The following RFX2 variants were observed in gnomAD, a reference collection of about 807,000 sequenced individuals.
The protein encoded by RFX2 is regulatory factor X2, also known as DNA-binding protein RFX2.
Under a neutral mutation model 87.8 loss-of-function variants are expected in RFX2, and 20 were observed. The ratio of observed to expected loss-of-function variants is 0.23; its 90% CI spans 0.16 to 0.33. The LOEUF (loss-of-function observed/expected upper bound fraction) is 0.33. Among genes scored for constraint, RFX2 ranks in the 10% least tolerant of loss-of-function variants. RFX2 has a pLI of 1.00. For synonymous variants in RFX2, 397 were observed against 431.3 expected (o/e 0.92, Z 0.98); for missense variants, 767 against 1,012.3 (o/e 0.76, Z 3.29).
intron 9 of RFX2, among the ~76,000 whole-genome samples, chr19:6,009,046 G>A (rs1409592681): frequency 1.3e-5 from 2 of 152,126 alleles, no homozygotes; most frequent in African/African-American, 4.8e-5. Context: ...TCACCTCCCA[G>A]GAACATTAAA....
At chr19:6,070,877 A>AAAAC (rs887000267) in intron 1 of RFX2, among the ~76,000 whole-genome samples, 4 of 152,074 alleles carry the variant, frequency 2.6e-5, no homozygotes, top group Non-Finnish European at 5.9e-5. Context: ...CTGGCTACTT[A>AAAAC]AAACAAACAA....
chr19:6,099,725 C>G (rs1302489566), intron 1 of RFX2, among the ~76,000 whole-genome samples: 1 of 152,228 alleles, frequency 6.6e-6, no homozygotes, highest in Non-Finnish European at 1.5e-5. Flanking sequence ...GCACAAATCA[C>G]TACCACCTGT....
chr19:6,006,325 A>AT (rs1267668138), intron 12 of RFX2, among the ~76,000 whole-genome samples: 2 of 151,602 alleles, frequency 1.3e-5, no homozygotes, highest in African/African-American at 4.8e-5. Flanking sequence ...ACACCAGCTA[A>AT]TTTTTGTATT....
rs2086892705 is a variant in RFX2 at position 6,026,688 on chromosome 19, G to A, written c.523-451C>T. 5.3e-6 allele frequency: 1 copy of A among 188,454 alleles called. No homozygotes were observed. The highest frequency in any genetic ancestry group is 1.1e-5 in the Non-Finnish European group (1 of 90,224). 11.7% of individuals were successfully genotyped at this position (188,454 alleles called of 1,614,324 possible). A position where few individuals can be genotyped will look rare whatever the true frequency, so the allele number is the denominator to read the frequency against. On this transcript the variant is annotated intron_variant, in intron 5 of 17. Coordinates refer to ENST00000303657, the MANE Select transcript of RFX2 (RefSeq NM_000635.4). This position sits in a 1 kb window ranked among gnomAD's most constrained non-coding sequence, Gnocchi z 4.5. The stretch of plus-strand genomic sequence containing the variant: ...GCAGCCTTGACTCCCCAGCCAGGCT[G>A]TCCTGTCGCAAATCCCAGGGTCTCC...
At chr19:6,018,927 C>T (rs1008209097) in intron 6 of RFX2, among the ~76,000 whole-genome samples, 1 of 152,166 alleles carries the variant, frequency 6.6e-6, no homozygotes, top group Non-Finnish European at 1.5e-5. Context: ...ATTCCGGTTC[C>T]CTGGCCGCCC....
At chr19:6,082,698 G>T (rs2087802634) in intron 1 of RFX2, among the ~76,000 whole-genome samples, 1 of 152,158 alleles carries the variant, frequency 6.6e-6, no homozygotes, top group African/African-American at 2.4e-5. Flanking sequence ...CTCCCAAAGT[G>T]TTGGGATTAC....
chr19:6,034,377 C>T (rs2086993377), intron 5 of RFX2, among the ~76,000 whole-genome samples: 1 of 151,980 alleles, frequency 6.6e-6, no homozygotes, highest in Non-Finnish European at 1.5e-5. Flanking sequence ...TACAGGTGCG[C>T]ACCACCACAC....
chr19:6,052,383 G>T (rs756614809), intron 1 of RFX2, among the ~76,000 whole-genome samples: 1 of 152,088 alleles, frequency 6.6e-6, no homozygotes, highest in African/African-American at 2.4e-5. Flanking sequence ...TTCAAGATAC[G>T]TAAAGTAAAA....
rs1427946081 is a variant in RFX2 at position 6,083,787 on chromosome 19, T to C, written c.-9+26606A>G. On this transcript the variant is annotated intron_variant, in intron 1 of 17. Coordinates refer to ENST00000303657, the MANE Select transcript of RFX2 (RefSeq NM_000635.4). The surrounding 1 kb of genome is among the most constrained non-coding windows in gnomAD (Gnocchi z 4.6). ...GGGTCTCACCATCTTGCCCAGGCTGTGACCCCTATCTTGGATGGCCTTTGG... is the reference window on the plus strand; with the variant it reads ...GGGTCTCACCATCTTGCCCAGGCTGCGACCCCTATCTTGGATGGCCTTTGG... Among the ~76,000 whole-genome samples the C allele has an allele frequency of 6.6e-6, 1 of 152,094 alleles. No individual in the cohort carries two copies.
intron 1 of RFX2, among the ~76,000 whole-genome samples, chr19:6,062,105 A>G (rs1176154107): frequency 6.6e-6 from 1 of 152,160 alleles, no homozygotes; most frequent in African/African-American, 2.4e-5. Flanking sequence ...AGGTTGAAGT[A>G]AGCTGACTGC....
Position 6,047,311 on chromosome 19 carries a change from C to T in RFX2, c.90+96G>A. 1.0e-6 allele frequency: 1 copy of T among 963,780 alleles called. No homozygotes were observed. Among genetic ancestry groups the T allele is most frequent in the Non-Finnish European group, 1.5e-6 (1 of 657,712 alleles). The allele number at this position is 963,780 out of a possible 1,614,324, so 59.7% of individuals were successfully genotyped here. On this transcript the variant is annotated intron_variant, in intron 2 of 17. Transcript: ENST00000303657. This position sits in a 1 kb window ranked among gnomAD's most constrained non-coding sequence, Gnocchi z 4.2. ...ACTGAGAAGTCCATTCAGAAAAATA[C>T]AGATTCCTCTCTTTGCAGATCTGAG...
At chr19:6,079,460 C>T (rs1013790539) in intron 1 of RFX2, among the ~76,000 whole-genome samples, 5 of 152,158 alleles carry the variant, frequency 3.3e-5, no homozygotes, top group Non-Finnish European at 5.9e-5. Flanking sequence ...TCCATTTATA[C>T]GACATTCTGG....
intron 1 of RFX2, among the ~76,000 whole-genome samples, chr19:6,068,730 C>T (rs1174512353): frequency 1.3e-5 from 2 of 152,224 alleles, no homozygotes; most frequent in Admixed American, 6.5e-5. Flanking sequence ...AAGGCCCACA[C>T]AGGCCATTGT....
In RFX2 at chr19:6,056,392, G is replaced by A. The variant is rs961037751; in HGVS notation, c.-8-8888C>T. ...ACAAACACACACACAAGACACCAGC[G>A]ATGAGCAGGAGTGGCTCATGATCCT... On this transcript the variant is annotated intron_variant, in intron 1 of 17. Coordinates refer to ENST00000303657, the MANE Select transcript of RFX2 (RefSeq NM_000635.4). This position sits in a 1 kb window ranked among gnomAD's most constrained non-coding sequence, Gnocchi z 4.6. 6.6e-6 allele frequency among the ~76,000 whole-genome samples: 1 copy of A among 152,206 alleles called. No homozygotes were observed. Among genetic ancestry groups the A allele is most frequent in the Non-Finnish European group, 1.5e-5 (1 of 68,034 alleles).
Position 5,997,149 on chromosome 19 carries a change from G to C in RFX2, c.1924C>G (p.Arg642Gly). Residue 642 changes from arginine (R) to glycine (G), a missense_variant, in exon 16 of 18, where the codon CGC (arginine) becomes GGC (glycine). Transcript: ENST00000303657. The surrounding 1 kb of genome is among the most constrained non-coding windows in gnomAD (Gnocchi z 4.2). ...AACATGTACTCGTCGTAGAGCAGGCGGATGAGGTGGAAGGAGCCGAAGCTG... is the reference window on the plus strand; with the variant it reads ...AACATGTACTCGTCGTAGAGCAGGCCGATGAGGTGGAAGGAGCCGAAGCTG... ...AASFGSFHLI[R>G]LLYDEYMFYL... The C allele has an allele frequency of 1.2e-6, 2 of 1,613,696 alleles. No individual in the cohort carries two copies. Among genetic ancestry groups the C allele is most frequent in the Non-Finnish European group, 1.7e-6 (2 of 1,180,000 alleles).
Position 6,020,759 on chromosome 19 carries a change from G to T in RFX2, c.598-4488C>A, listed in dbSNP as rs2086800546. Among the ~76,000 whole-genome samples the T allele has an allele frequency of 1.3e-5, 2 of 152,228 alleles. No individual in the cohort carries two copies. The highest frequency in any genetic ancestry group is 1.3e-4 in the Admixed American group (2 of 15,290). ...GGAGTCACCTTTCTGGTTTGGGCAT[G>T]TTCTGCAGTCTGCTTTGTCTGCTGA... On this transcript the variant is annotated intron_variant, in intron 6 of 17. Coordinates refer to ENST00000303657, the MANE Select transcript of RFX2 (RefSeq NM_000635.4). This position sits in a 1 kb window ranked among gnomAD's most constrained non-coding sequence, Gnocchi z 5.3.
chr19:6,069,612 G>A (rs1251888431), intron 1 of RFX2, among the ~76,000 whole-genome samples: 1 of 152,226 alleles, frequency 6.6e-6, no homozygotes, highest in East Asian at 1.9e-4. Flanking sequence ...CTGAAAAGAG[G>A]CCAAAGAAGT....
At chr19:6,034,301 T>A (rs1292445170) in intron 5 of RFX2, among the ~76,000 whole-genome samples, 1 of 151,036 alleles carries the variant, frequency 6.6e-6, no homozygotes, top group African/African-American at 2.4e-5. Flanking sequence ...CAATCTTGGC[T>A]CACTGCAACC....
chr19:6,038,766 A>G (rs1021988215), intron 5 of RFX2, among the ~76,000 whole-genome samples: 15 of 152,320 alleles, frequency 9.8e-5, no homozygotes, highest in African/African-American at 2.6e-4. Flanking sequence ...TGCAACCACA[A>G]TGAGGTACCA....
Sources: gnomAD v4.1 joint callset for allele counts (sites outside exome capture counted in the v4.1 genomes callset) on GRCh38, gnomAD v4.1.1 for gene constraint, Gnocchi (gnomAD v3.1) non-coding constraint, MANE v1.5 for transcripts, NCBI Gene and HGNC (gene_info 2026-07-23, HGNC 2026-07-21) for gene names.